The following DGKI variants were observed in gnomAD, a reference collection of about 807,000 sequenced individuals.
DGKI encodes the protein diacylglycerol kinase iota.
DGKI carries 55 observed loss-of-function variants against 147.5 expected under a neutral mutation model. That is an observed-to-expected ratio of 0.37 (90% CI 0.30 to 0.47). DGKI has a LOEUF of 0.47. DGKI is among the 20% of genes least tolerant of loss of function. DGKI has a pLI of 1.00. For synonymous variants in DGKI, 469 were observed against 477.1 expected (o/e 0.98, Z 0.22); for missense variants, 1,007 against 1,323.8 (o/e 0.76, Z 3.71).
At chr7:137,793,687 A>G (rs1244118291) in intron 1 of DGKI, among the ~76,000 whole-genome samples, 2 of 152,198 alleles carry the variant, frequency 1.3e-5, no homozygotes, top group Non-Finnish European at 2.9e-5. Context: ...AAAATGGGCT[A>G]CTAATGTTTA....
intron 6 of DGKI, among the ~76,000 whole-genome samples, chr7:137,633,703 A>T (rs1245568379): frequency 6.6e-6 from 1 of 152,236 alleles, no homozygotes; most frequent in Non-Finnish European, 1.5e-5. Flanking sequence ...ACTGTGCCAA[A>T]TTTAGAATAT....
intron 21 of DGKI, among the ~76,000 whole-genome samples, chr7:137,505,258 A>C (rs2128944618): frequency 6.6e-6 from 1 of 152,326 alleles, no homozygotes; most frequent in South Asian, 2.1e-4. Flanking sequence ...TGGTTGTCCC[A>C]CATGGACATA....
intron 1 of DGKI, among the ~76,000 whole-genome samples, chr7:137,704,070 G>A (rs574941612): frequency 6.6e-6 from 1 of 152,132 alleles, no homozygotes; most frequent in Non-Finnish European, 1.5e-5. Flanking sequence ...AATTAGCTGA[G>A]TGTGGCAGCA....
intron 2 of DGKI, among the ~76,000 whole-genome samples, chr7:137,688,100 C>A (rs989747324): frequency 6.6e-6 from 1 of 152,172 alleles, no homozygotes; most frequent in African/African-American, 2.4e-5. Flanking sequence ...AAAGCATTTT[C>A]TGATAACTAT....
Position 137,623,654 on chromosome 7 carries a change from C to T in DGKI, c.805-100G>A, listed in dbSNP as rs994327595. On this transcript the variant is annotated intron_variant, in intron 6 of 32. Coordinates refer to ENST00000614521, the MANE Select transcript of DGKI (RefSeq NM_001321708.2). Reference sequence around the variant, plus strand: ...AATGACGTGAATAAGGCCAGAAGGCCAGGACTGTCACCCACCACTGGAGGT... The same window carrying T: ...AATGACGTGAATAAGGCCAGAAGGCTAGGACTGTCACCCACCACTGGAGGT... 1.7e-5 allele frequency: 17 copies of T among 983,476 alleles called. No homozygotes were observed. In the African/African-American group the frequency reaches 2.7e-4, roughly 16 times the overall value. The allele number at this position is 983,476 out of a possible 1,614,324, so 60.9% of individuals were successfully genotyped here. A position where few individuals can be genotyped will look rare whatever the true frequency, so the allele number is the denominator to read the frequency against.
At chr7:137,478,530 T>C (rs1815257456) in intron 23 of DGKI, among the ~76,000 whole-genome samples, 2 of 152,204 alleles carry the variant, frequency 1.3e-5, no homozygotes, top group South Asian at 2.1e-4. Flanking sequence ...GTAACTCTCG[T>C]TACTAATCCA....
intron 28 of DGKI, among the ~76,000 whole-genome samples, chr7:137,428,973 C>T (rs1384992800): frequency 1.3e-5 from 2 of 152,072 alleles, no homozygotes; most frequent in Non-Finnish European, 2.9e-5. Context: ...AATGGCCATA[C>T]TGCCCAAGGT....
intron 1 of DGKI, among the ~76,000 whole-genome samples, chr7:137,789,975 C>G (rs527259801): frequency 2.0e-4 from 31 of 152,228 alleles, no homozygotes; most frequent in African/African-American, 7.5e-4. Context: ...TAATCTATAG[C>G]AAGGATTGCA....
chr7:137,711,408 CTT>C (rs1563161737), intron 1 of DGKI, among the ~76,000 whole-genome samples: 1 of 152,140 alleles, frequency 6.6e-6, no homozygotes, highest in African/African-American at 2.4e-5. Flanking sequence ...AAATAATACT[CTT>C]TACAAATGAA....
intron 24 of DGKI, among the ~76,000 whole-genome samples, chr7:137,468,999 A>T (rs1161118897): frequency 6.6e-6 from 1 of 152,172 alleles, no homozygotes; most frequent in Non-Finnish European, 1.5e-5. Context: ...CATCTAGGAG[A>T]GAGATACTTG....
chr7:137,541,778 G>A (rs1817712749), intron 20 of DGKI, among the ~76,000 whole-genome samples: 1 of 151,882 alleles, frequency 6.6e-6, no homozygotes, highest in African/African-American at 2.4e-5. Flanking sequence ...AGAACTAAAT[G>A]CAAAATAGAA....
At chr7:137,584,885 T>A (rs985715579) in intron 14 of DGKI, among the ~76,000 whole-genome samples, 21 of 152,206 alleles carry the variant, frequency 1.4e-4, no homozygotes, top group African/African-American at 5.1e-4. Flanking sequence ...CAAATATACA[T>A]ATTTTTTCAT....
At chr7:137,600,885 T>C (rs1274216650) in intron 10 of DGKI, among the ~76,000 whole-genome samples, 1 of 152,194 alleles carries the variant, frequency 6.6e-6, no homozygotes, top group Non-Finnish European at 1.5e-5. Flanking sequence ...TTTTGGGGCA[T>C]TTTAAGTAAC....
At chr7:137,505,764 C>G (rs373013938) in intron 21 of DGKI, among the ~76,000 whole-genome samples, 2 of 147,858 alleles carry the variant, frequency 1.4e-5, no homozygotes, top group African/African-American at 5.0e-5. Flanking sequence ...TTCTTAAAAC[C>G]CAACAATAAG....
intron 1 of DGKI, among the ~76,000 whole-genome samples, chr7:137,739,947 C>T (rs2116702204): frequency 6.6e-6 from 1 of 152,264 alleles, no homozygotes; most frequent in African/African-American, 2.4e-5. Flanking sequence ...TGGTGTTGCC[C>T]AGTGATTCCG....
At chr7:137,608,943 G>A in intron 10 of DGKI, 23 bp downstream of exon 10, 1 of 1,566,948 alleles carries the variant, frequency 6.4e-7, no homozygotes, top group South Asian at 1.1e-5. Flanking sequence ...CTTCTAAGTT[G>A]AAAATCATGA....
At chr7:137,489,819 T>C (rs1815698105) in intron 21 of DGKI, among the ~76,000 whole-genome samples, 1 of 152,214 alleles carries the variant, frequency 6.6e-6, no homozygotes, top group African/African-American at 2.4e-5. Context: ...ATTTTATACA[T>C]ACGCAGGAAT....
At chr7:137,596,837 A>G (rs1819815407) in intron 12 of DGKI, among the ~76,000 whole-genome samples, 1 of 152,216 alleles carries the variant, frequency 6.6e-6, no homozygotes, top group Non-Finnish European at 1.5e-5. Flanking sequence ...GAGAGATAGT[A>G]TTCGAAGATT....
chr7:137,842,921 G>C (rs1395899802), intron 1 of DGKI, among the ~76,000 whole-genome samples: 1 of 152,030 alleles, frequency 6.6e-6, no homozygotes, highest in Non-Finnish European at 1.5e-5. Flanking sequence ...CTGCACACAC[G>C]CATGCATACA....
Sources: gnomAD v4.1 joint callset for allele counts (sites outside exome capture counted in the v4.1 genomes callset) on GRCh38, gnomAD v4.1.1 for gene constraint, MANE v1.5 for transcripts, NCBI Gene and HGNC (gene_info 2026-07-23, HGNC 2026-07-21) for gene names.